The following PARP15 variants were observed in gnomAD, a reference collection of about 807,000 sequenced individuals.
The protein encoded by PARP15 is protein mono-ADP-ribosyltransferase PARP15.
In PARP15, 50 loss-of-function variants were observed where a neutral mutation model predicts 62.1. That is an observed-to-expected ratio of 0.81 (90% confidence interval 0.64 to 1.02). The LOEUF (loss-of-function observed/expected upper bound fraction) is 1.02, where lower values mean the gene tolerates loss of function less well. Among genes scored for constraint, PARP15 ranks in the 50% least tolerant of loss-of-function variants. The pLI is 0.00. For missense variants in PARP15, 820 were observed against 826.5 expected, an observed-to-expected ratio of 0.99 and a Z score of 0.10; for synonymous variants, 309 against 293.1, an observed-to-expected ratio of 1.05 and a Z score of -0.55.
At chr3:122,607,269 A>G (rs1160642591) in intron 2 of PARP15, among the ~76,000 whole-genome samples, 1 of 152,240 alleles carries the variant, frequency 6.6e-6, no homozygotes, top group Non-Finnish European at 1.5e-5. Flanking sequence ...ACTGGATGAT[A>G]TAAAAGGACA....
At chr3:122,617,270 A>G in intron 6 of PARP15, 106 bp downstream of exon 6, 1 of 1,221,930 alleles carries the variant, frequency 8.2e-7, no homozygotes, top group Non-Finnish European at 1.2e-6. Flanking sequence ...TGTAGAAAAT[A>G]TGTGGTCTCT....
chr3:122,613,259 AG>A lies in PARP15; in HGVS notation c.764del (p.Gly255AlafsTer6). 1 of 1,543,922 alleles carries A rather than the reference AG, an allele frequency of 6.5e-7. No individual in the cohort carries two copies. The highest frequency in any genetic ancestry group is 8.8e-7 in the Non-Finnish European group (1 of 1,139,622). On this transcript the variant is annotated frameshift_variant, in exon 4 of 12. Coordinates refer to ENST00000464300, the MANE Select transcript of PARP15 (RefSeq NM_001113523.3). LOFTEE classifies it high-confidence loss of function. ...TTCTGGTATATACAAATGACGATGAAGGCTGTCAGGTATGGTTACATATCCC... is the reference window on the plus strand; with the variant it reads ...TTCTGGTATATACAAATGACGATGAAGCTGTCAGGTATGGTTACATATCCC... ...HFLVYTNDDEGCQAFLDEFTN... is the reference protein window; with the variant it reads ...HFLVYTNDDEXCQAFLDEFTN...
chr3:122,599,881 C>T (rs1934661695), intron 1 of PARP15, among the ~76,000 whole-genome samples: 1 of 152,182 alleles, frequency 6.6e-6, no homozygotes, highest in Admixed American at 6.5e-5. Flanking sequence ...GGCTTGTTTC[C>T]TCATTCAGAA....
Position 122,613,037 on chromosome 3 carries a change from T to G in PARP15, c.544-4T>G. The G allele has an allele frequency of 6.5e-7, 1 of 1,549,678 alleles. No homozygotes were observed. The highest frequency in any genetic ancestry group is 1.2e-5 in the South Asian group (1 of 84,000). On this transcript the variant is annotated splice_region_variant and splice_polypyrimidine_tract_variant and intron_variant, in intron 3 of 11. Coordinates refer to ENST00000464300, the MANE Select transcript of PARP15 (RefSeq NM_001113523.3). ...CTTATGTAAATGTACTTTGCACATT[T>G]CAGATCATGGCAAATATAATCAAGA...
At chr3:122,601,269 T>C (rs1280291023) in intron 1 of PARP15, among the ~76,000 whole-genome samples, 1 of 152,010 alleles carries the variant, frequency 6.6e-6, no homozygotes, top group African/African-American at 2.4e-5. Context: ...GGTGATCCAC[T>C]TGCCTCAGCC....
At chr3:122,624,160 AAAAG>A (rs959618233) in intron 8 of PARP15, among the ~76,000 whole-genome samples, 26 of 152,114 alleles carry the variant, frequency 1.7e-4, no homozygotes, top group African/African-American at 5.1e-4. Flanking sequence ...CGGAAAAAAA[AAAAG>A]AAAGAAAGAA....
chr3:122,580,606 G>A (rs2080783174), intron 1 of PARP15, among the ~76,000 whole-genome samples: 1 of 152,188 alleles, frequency 6.6e-6, no homozygotes, highest in Non-Finnish European at 1.5e-5. Context: ...GAAACAGTAT[G>A]TGTTTGTCTT....
intron 10 of PARP15, among the ~76,000 whole-genome samples, chr3:122,633,940 C>T (rs980082502): frequency 6.6e-6 from 1 of 152,226 alleles, no homozygotes; most frequent in Non-Finnish European, 1.5e-5. Flanking sequence ...TTCATGGTCC[C>T]CAGCCTCAGC....
rs1933943799 is a variant in PARP15 at position 122,591,771 on chromosome 3, A to T, written c.186+13918A>T. Among the ~76,000 whole-genome samples, 3 of 151,592 alleles carry T rather than the reference A, an allele frequency of 2.0e-5. No individual in the cohort carries two copies. The South Asian group carries it at 6.3e-4, about 32-fold the overall frequency. On this transcript the variant is annotated intron_variant, in intron 1 of 11. Transcript: ENST00000464300. ...CAGAGCGAGACTCTGTCTCAAAAAAAAAAAAAAAAAGGTATTGATAAGACA... is the reference window on the plus strand; with the variant it reads ...CAGAGCGAGACTCTGTCTCAAAAAATAAAAAAAAAAGGTATTGATAAGACA...
At chr3:122,585,603 G>A (rs141631032) in intron 1 of PARP15, among the ~76,000 whole-genome samples, 2 of 152,192 alleles carry the variant, frequency 1.3e-5, no homozygotes, top group African/African-American at 4.8e-5. Context: ...GTTCAGCTAC[G>A]TGACCTTCAA....
intron 9 of PARP15, among the ~76,000 whole-genome samples, 196 bp from the exon 10 acceptor site, chr3:122,631,890 G>A (rs115896225): frequency 0.015 from 2,262 of 152,248 alleles, 64 homozygotes; most frequent in African/African-American, 0.052. Flanking sequence ...AATATATTGT[G>A]TCATATTTGT....
intron 1 of PARP15, chr3:122,594,996 CT>C: frequency 4.1e-6 from 2 of 484,490 alleles, no homozygotes; most frequent in Non-Finnish European, 5.4e-6. Flanking sequence ...ATTAATTTCT[CT>C]TCCTTCTTGA....
At chr3:122,582,162 T>C (rs1395306620) in intron 1 of PARP15, among the ~76,000 whole-genome samples, 1 of 148,226 alleles carries the variant, frequency 6.7e-6, no homozygotes, top group African/African-American at 2.5e-5. Flanking sequence ...TTCACATTTA[T>C]TGTGAATGAT....
At chr3:122,606,975 G>A (rs1457260460) in intron 2 of PARP15, among the ~76,000 whole-genome samples, 1 of 151,534 alleles carries the variant, frequency 6.6e-6, no homozygotes. Context: ...GATGGCAGAG[G>A]GGAGGCAGCC....
In PARP15 at chr3:122,577,686, C is replaced by G. The variant is rs1379220319; in HGVS notation, c.19C>G (p.Leu7Val). 6.4e-7 allele frequency: 1 copy of G among 1,551,590 alleles called. No homozygotes were observed. Among genetic ancestry groups the G allele is most frequent in the Admixed American group, 2.0e-5 (1 of 51,018 alleles). Residue 7 changes from leucine to valine, a missense_variant, in exon 1 of 12, where the codon CTT (leucine) becomes GTT (valine). Leu to Val is a conservative substitution (Grantham distance 32). Transcript: ENST00000464300. ...GCTGAGGATGGCTGCGCCAGGCCCCCTTCCTGCCGCTGCTCTGAGTCCAGG... is the reference window on the plus strand; with the variant it reads ...GCTGAGGATGGCTGCGCCAGGCCCCGTTCCTGCCGCTGCTCTGAGTCCAGG... Reference protein sequence around the residue: MAAPGPLPAAALSPGAP... With the variant: MAAPGPVPAAALSPGAP...
intron 1 of PARP15, among the ~76,000 whole-genome samples, chr3:122,582,356 T>A (rs1350539130): frequency 6.6e-6 from 1 of 152,096 alleles, no homozygotes; most frequent in East Asian, 1.9e-4. Context: ...TAAACATTTT[T>A]TGTAGAAATG....
chr3:122,579,999 G>GTATATATGTATATATA lies in PARP15; in HGVS notation c.186+2153_186+2154insGTATATATATATATAT, dbSNP rs1553725410. 1.9e-3 allele frequency among the ~76,000 whole-genome samples: 120 copies of GTATATATGTATATATA among 64,440 alleles called. 5 individuals are homozygous for GTATATATGTATATATA. Among genetic ancestry groups the GTATATATGTATATATA allele is most frequent in the East Asian group, 8.9e-3 (17 of 1,904 alleles). 42.3% of individuals were successfully genotyped at this position (64,440 alleles called of 152,430 possible). The stretch of plus-strand genomic sequence containing the variant: ...GTCTGAACAACAACAGCAACTATAT[G>GTATATATGTATATATA]TATATATATATATATATATATATAT... On this transcript the variant is annotated intron_variant, in intron 1 of 11. Coordinates refer to ENST00000464300, the MANE Select transcript of PARP15 (RefSeq NM_001113523.3).
At chr3:122,610,458 T>C (rs766883049) in intron 2 of PARP15, 36 bp from the exon 3 acceptor site, 15 of 1,492,140 alleles carry the variant, frequency 1.0e-5, no homozygotes, top group East Asian at 2.5e-5. Context: ...TTATGTATTA[T>C]TGATTCAATC....
At chr3:122,579,901 C>A (rs936849071) in intron 1 of PARP15, among the ~76,000 whole-genome samples, 1 of 149,912 alleles carries the variant, frequency 6.7e-6, no homozygotes, top group African/African-American at 2.5e-5. Flanking sequence ...ATTGCTGGAA[C>A]CTGGGAGGCA....
Sources: gnomAD v4.1 joint callset for allele counts (sites outside exome capture counted in the v4.1 genomes callset) on GRCh38, gnomAD v4.1.1 for gene constraint, MANE v1.5 for transcripts, NCBI Gene and HGNC (gene_info 2026-07-23, HGNC 2026-07-21) for gene names.